Variants in FAM20B observed in about 807,000 individuals in gnomAD.
FAM20B encodes FAM20B glycosaminoglycan xylosylkinase, also known as glycosaminoglycan xylosylkinase.
FAM20B carries 23 observed loss-of-function variants against 43.8 expected under a neutral mutation model. That is an observed-to-expected ratio of 0.53 (90% CI 0.38 to 0.74). The LOEUF (loss-of-function observed/expected upper bound fraction) is 0.74, where lower values mean the gene tolerates loss of function less well. Among genes scored for constraint, FAM20B ranks in the 30% least tolerant of loss-of-function variants. FAM20B has a pLI of 0.00. For missense variants in FAM20B, 440 were observed against 510.5 expected (o/e 0.86, Z 1.33); for synonymous variants, 178 against 192.4 (o/e 0.93, Z 0.62).
At position 179,043,731 on chromosome 1, in the gene FAM20B, A is replaced by G; in HGVS notation, c.-117A>G. The G allele has an allele frequency of 9.6e-7, 1 of 1,046,778 alleles. No homozygotes were observed. Among genetic ancestry groups the G allele is most frequent in the Non-Finnish European group, 1.4e-6 (1 of 719,178 alleles). The allele number at this position is 1,046,778 out of a possible 1,614,324, so 64.8% of individuals were successfully genotyped here. Reference sequence around the variant, plus strand: ...GGCTTGCAGGAACTGTGGAAGGTGCATCAGTGAAGAAATGGACCAATGTGT... The same window carrying G: ...GGCTTGCAGGAACTGTGGAAGGTGCGTCAGTGAAGAAATGGACCAATGTGT... On this transcript the variant is annotated 5_prime_UTR_variant, in exon 2 of 8. Coordinates refer to ENST00000263733, the MANE Select transcript of FAM20B (RefSeq NM_014864.4).
intron 4 of FAM20B, among the ~76,000 whole-genome samples, chr1:179,061,902 C>A (rs1331905366): frequency 6.6e-6 from 1 of 152,126 alleles, no homozygotes; most frequent in East Asian, 1.9e-4. Flanking sequence ...CCGGTGGGAA[C>A]CTCTACAAAC....
the FAM20B span, among the ~76,000 whole-genome samples, chr1:179,019,960 T>A: frequency 1.3e-5 from 2 of 152,280 alleles, no homozygotes; most frequent in East Asian, 3.9e-4. Context: ...ACAGCAGCCA[T>A]CAGTGAGGTA....
chr1:179,028,969 T>C (rs1649900761), intron 1 of FAM20B, among the ~76,000 whole-genome samples: 1 of 152,250 alleles, frequency 6.6e-6, no homozygotes, highest in Non-Finnish European at 1.5e-5. Context: ...TGTTATTTGC[T>C]TCTGTGATTA....
In FAM20B at chr1:179,072,587, T is replaced by G. The variant is rs1651971160; in HGVS notation, c.*443T>G. 5.9e-6 allele frequency: 1 copy of G among 168,806 alleles called. No homozygotes were observed. The highest frequency in any genetic ancestry group is 1.6e-4 in the South Asian group (1 of 6,258). 10.5% of individuals were successfully genotyped at this position (168,806 alleles called of 1,614,324 possible). ...TTTTTTTTACCAGAACTAGTTACAT[T>G]GGAATGCTTACTGTCCTACAGAGTG... is the stretch of plus-strand genomic sequence containing the variant. On this transcript the variant is annotated 3_prime_UTR_variant, in exon 8 of 8. Coordinates refer to ENST00000263733, the MANE Select transcript of FAM20B (RefSeq NM_014864.4).
chr1:179,061,701 T>C (rs191761017), intron 4 of FAM20B, among the ~76,000 whole-genome samples: 211 of 152,194 alleles, frequency 1.4e-3, no homozygotes, highest in African/African-American at 4.8e-3. Context: ...GAGCCACAGT[T>C]CCTGGTCATC....
At chr1:179,035,710 A>G in intron 1 of FAM20B, 1 of 323,498 alleles carries the variant, frequency 3.1e-6, no homozygotes, top group South Asian at 3.4e-5. Flanking sequence ...TTAAGACCTC[A>G]CTTTTTTTCT....
chr1:179,031,214 A>G (rs1447607509), intron 1 of FAM20B, among the ~76,000 whole-genome samples: 1 of 152,248 alleles, frequency 6.6e-6, no homozygotes, highest in African/African-American at 2.4e-5. Context: ...ATTACCTTCT[A>G]TAATCTAGCC....
intron 4 of FAM20B, 73 bp from the exon 5 acceptor site, chr1:179,063,854 C>G: frequency 9.3e-7 from 1 of 1,076,020 alleles, no homozygotes; most frequent in Non-Finnish European, 1.4e-6. Flanking sequence ...CTACTCTGTT[C>G]TGCATTATTT....
chr1:179,058,410 T>G (rs1183297869), intron 4 of FAM20B, among the ~76,000 whole-genome samples: 1 of 152,226 alleles, frequency 6.6e-6, no homozygotes, highest in Non-Finnish European at 1.5e-5. Flanking sequence ...CCCATCCAGC[T>G]TACAGACCCT....
chr1:179,056,288 TTCA>T (rs1327248098), intron 4 of FAM20B, among the ~76,000 whole-genome samples: 1 of 152,242 alleles, frequency 6.6e-6, no homozygotes, highest in Non-Finnish European at 1.5e-5. Flanking sequence ...GTTCCACCTA[TTCA>T]TCATTCTCCA....
At chr1:179,048,094 T>G (rs1228273685) in intron 2 of FAM20B, among the ~76,000 whole-genome samples, 1 of 152,216 alleles carries the variant, frequency 6.6e-6, no homozygotes, top group African/African-American at 2.4e-5. Context: ...AAGGTGATTT[T>G]TTTTTTAATG....
intron 1 of FAM20B, among the ~76,000 whole-genome samples, chr1:179,032,342 G>A (rs1368054830): frequency 5.8e-5 from 6 of 103,396 alleles, no homozygotes; most frequent in African/African-American, 1.7e-4. Context: ...TTTTTTTTGA[G>A]ACAGGATCTT....
chr1:179,034,861 AT>A (rs1167339151), intron 1 of FAM20B, among the ~76,000 whole-genome samples: 1 of 152,228 alleles, frequency 6.6e-6, no homozygotes, highest in African/African-American at 2.4e-5. Flanking sequence ...GGCATGTTAC[AT>A]TCTACTTAAG....
intron 2 of FAM20B, among the ~76,000 whole-genome samples, chr1:179,049,894 A>C (rs1204819084): frequency 6.6e-6 from 1 of 152,166 alleles, no homozygotes; most frequent in Non-Finnish European, 1.5e-5. Context: ...CAGTCTAATA[A>C]ACATTTTAGT....
At chr1:179,048,529 A>G (rs1650874951) in intron 2 of FAM20B, among the ~76,000 whole-genome samples, 1 of 152,200 alleles carries the variant, frequency 6.6e-6, no homozygotes, top group Admixed American at 6.5e-5. Context: ...ACTTCACCAC[A>G]TACCTTCCTG....
intron 7 of FAM20B, among the ~76,000 whole-genome samples, chr1:179,067,184 A>G (rs1387199832): frequency 2.0e-5 from 3 of 151,850 alleles, no homozygotes; most frequent in Non-Finnish European, 1.5e-5. Context: ...TAAAATCTGT[A>G]TGCCTGGTTA....
chr1:179,053,228 C>A (rs1651080297), intron 3 of FAM20B, among the ~76,000 whole-genome samples: 1 of 152,136 alleles, frequency 6.6e-6, no homozygotes, highest in Non-Finnish European at 1.5e-5. Context: ...AGTAACATTG[C>A]CCCTCAATGC....
intron 1 of FAM20B, among the ~76,000 whole-genome samples, chr1:179,034,411 T>A (rs1190788412): frequency 2.0e-5 from 3 of 152,074 alleles, no homozygotes; most frequent in Non-Finnish European, 4.4e-5. Context: ...TCTTTTTTTT[T>A]AATAATGGAG....
chr1:179,046,688 G>A (rs1011969684), intron 2 of FAM20B, among the ~76,000 whole-genome samples: 5 of 150,678 alleles, frequency 3.3e-5, no homozygotes, highest in African/African-American at 1.2e-4. Context: ...GAGATGAGTT[G>A]TGAGCATTTT....
Sources: gnomAD v4.1 joint callset for allele counts (sites outside exome capture counted in the v4.1 genomes callset) on GRCh38, gnomAD v4.1.1 for gene constraint, MANE v1.5 for transcripts, NCBI Gene and HGNC (gene_info 2026-07-23, HGNC 2026-07-21) for gene names.